The following ZFHX3 variants were observed in gnomAD, a reference collection of about 807,000 sequenced individuals.
The protein encoded by ZFHX3 is zinc finger homeobox 3.
In ZFHX3, 42 loss-of-function variants were observed where a neutral mutation model predicts 279.1. The observed-to-expected ratio is 0.15, with a 90% CI of 0.12 to 0.19. The LOEUF (loss-of-function observed/expected upper bound fraction) is 0.19. ZFHX3 is among the 10% of genes least tolerant of loss of function. The probability of loss-of-function intolerance (pLI) is 1.00; values close to 1 mark genes in which losing one functional copy is unlikely to be tolerated. For missense variants in ZFHX3, 4,981 were observed against 4,754.0 expected (o/e 1.05, Z -1.40); for synonymous variants, 2,293 against 1,957.8 (o/e 1.17, Z -4.52).
chr16:73,460,870 C>G lies in ZFHX3; in HGVS notation c.-1546-4612G>C, dbSNP rs147002891. On this transcript the variant is annotated intron_variant, in intron 2 of 17. Coordinates refer to the ZFHX3 transcript ENST00000641206. ...CCTCTGGCTACGTGATACACCTACT[C>G]TCCCTTCGCCTTCCAACGTGATTGT... Among the ~76,000 whole-genome samples, 60 of 152,312 alleles carry G rather than the reference C, an allele frequency of 3.9e-4. No individual in the cohort carries two copies. In the East Asian group the frequency reaches 0.011, roughly 27 times the overall value.
At chr16:73,116,232 G>GA (rs1966431998) in intron 7 of ZFHX3, among the ~76,000 whole-genome samples, 1 of 152,112 alleles carries the variant, frequency 6.6e-6, no homozygotes, top group African/African-American at 2.4e-5. Flanking sequence ...TCTCCCAGAT[G>GA]AAATCCACGT....
At chr16:73,779,674 T>G (rs1347670601) in intron 1 of ZFHX3, among the ~76,000 whole-genome samples, 2 of 152,180 alleles carry the variant, frequency 1.3e-5, no homozygotes, top group Admixed American at 6.5e-5. Context: ...TGCGTTATGC[T>G]CCCGTTGTAC....
chr16:73,803,207 G>A (rs1361477171), intron 1 of ZFHX3, among the ~76,000 whole-genome samples: 1 of 152,174 alleles, frequency 6.6e-6, no homozygotes, highest in Non-Finnish European at 1.5e-5. Context: ...AACAGGAAAT[G>A]CAAATAGTCA....
intron 7 of ZFHX3, among the ~76,000 whole-genome samples, chr16:72,803,102 C>T (rs1283123208): frequency 1.3e-5 from 2 of 152,096 alleles, no homozygotes; most frequent in African/African-American, 2.4e-5. Context: ...GAGGCTGAGG[C>T]GGGTGGATCA....
Position 73,666,831 on chromosome 16 carries a change from T to C in ZFHX3, c.-1547+13349A>G, listed in dbSNP as rs182660012. 1.6e-4 allele frequency among the ~76,000 whole-genome samples: 25 copies of C among 152,076 alleles called. 1 individual carries two copies. The highest frequency in any genetic ancestry group is 1.5e-3 in the Admixed American group (23 of 15,276). On this transcript the variant is annotated intron_variant, in intron 2 of 17. Transcript: ENST00000641206. The stretch of plus-strand genomic sequence containing the variant: ...TGTTCTCTTTACCTGGTTTTGCTTT[T>C]TCCAGAATGCAATGAAATGGAATCT...
At chr16:73,022,095 A>G (rs542242764) in intron 1 of ZFHX3, among the ~76,000 whole-genome samples, 14 of 152,220 alleles carry the variant, frequency 9.2e-5, no homozygotes, top group African/African-American at 3.4e-4. Context: ...CATCCAAAAT[A>G]CTATAATGCA....
intron 8 of ZFHX3, among the ~76,000 whole-genome samples, chr16:73,076,904 C>G (rs1260561247): frequency 6.6e-6 from 1 of 152,100 alleles, no homozygotes; most frequent in African/African-American, 2.4e-5. Flanking sequence ...CACACACACA[C>G]ACACACGACT....
intron 4 of ZFHX3, among the ~76,000 whole-genome samples, chr16:73,280,710 G>C (rs1336377477): frequency 2.6e-5 from 4 of 151,982 alleles, no homozygotes; most frequent in Non-Finnish European, 5.9e-5. Flanking sequence ...CAGGCATGGT[G>C]GCTCACAAAG....
chr16:73,660,333 C>G (rs1214103451), intron 2 of ZFHX3, among the ~76,000 whole-genome samples: 1 of 152,198 alleles, frequency 6.6e-6, no homozygotes, highest in Non-Finnish European at 1.5e-5. Flanking sequence ...TGTGAACAAA[C>G]CCACACTAAA....
intron 2 of ZFHX3, among the ~76,000 whole-genome samples, chr16:73,522,894 T>G (rs909665385): frequency 6.6e-6 from 1 of 152,098 alleles, no homozygotes; most frequent in African/African-American, 2.4e-5. Context: ...AGGAGAAGAA[T>G]GAGTGAAGCG....
At chr16:73,772,796 C>A (rs2054033197) in intron 1 of ZFHX3, among the ~76,000 whole-genome samples, 1 of 152,196 alleles carries the variant, frequency 6.6e-6, no homozygotes, top group Non-Finnish European at 1.5e-5. Flanking sequence ...TCTAATCTGG[C>A]TGTCACTAAA....
chr16:72,893,078 G>C (rs971840933), intron 3 of ZFHX3, among the ~76,000 whole-genome samples: 2 of 152,210 alleles, frequency 1.3e-5, no homozygotes, highest in African/African-American at 4.8e-5. Context: ...CGAGGAGCTG[G>C]AAACCTGTAA....
chr16:73,300,348 T>C (rs963913183), intron 4 of ZFHX3, among the ~76,000 whole-genome samples: 1 of 151,772 alleles, frequency 6.6e-6, no homozygotes, highest in Non-Finnish European at 1.5e-5. Flanking sequence ...AAGGATGAGG[T>C]TTGATGTGTT....
At chr16:72,871,678 T>C (rs1483689131) in intron 4 of ZFHX3, among the ~76,000 whole-genome samples, 2 of 150,566 alleles carry the variant, frequency 1.3e-5, no homozygotes, top group African/African-American at 2.4e-5. Context: ...GGTTTCACCA[T>C]GTTGGCCAGG....
In ZFHX3 at chr16:73,036,373, T is replaced by C. The variant is rs553291764; in HGVS notation, c.-50+11379A>G. Among the ~76,000 whole-genome samples the C allele has an allele frequency of 2.0e-5, 3 of 152,212 alleles. No homozygotes were observed. The South Asian group carries it at 6.2e-4, about 32-fold the overall frequency. On this transcript the variant is annotated intron_variant, in intron 1 of 9. Transcript: ENST00000268489. Reference sequence around the variant, plus strand: ...GGCACACAATTACAGCCATTTGCATTCCTCCAGCAGCCGGATTAGCACAGG... The same window carrying C: ...GGCACACAATTACAGCCATTTGCATCCCTCCAGCAGCCGGATTAGCACAGG...
At chr16:73,126,018 G>T (rs532412486) in intron 7 of ZFHX3, among the ~76,000 whole-genome samples, 1 of 152,216 alleles carries the variant, frequency 6.6e-6, no homozygotes, top group Non-Finnish European at 1.5e-5. Context: ...CACAGCATTT[G>T]TTTCTTAGGC....
chr16:73,364,370 A>C (rs1388125594), intron 3 of ZFHX3, among the ~76,000 whole-genome samples: 1 of 149,460 alleles, frequency 6.7e-6, no homozygotes, highest in African/African-American at 2.4e-5. Flanking sequence ...ATAATATTGT[A>C]ATATTATAAT....
At chr16:73,586,842 T>C (rs1446207133) in intron 2 of ZFHX3, among the ~76,000 whole-genome samples, 1 of 152,186 alleles carries the variant, frequency 6.6e-6, no homozygotes, top group African/African-American at 2.4e-5. Context: ...TGTCTGAGGT[T>C]AGTGAAATTC....
At chr16:73,541,786 C>CTT (rs546761843) in intron 2 of ZFHX3, among the ~76,000 whole-genome samples, 1,272 of 88,020 alleles carry the variant, frequency 0.014, 86 homozygotes, top group Admixed American at 0.036. Context: ...TGGTGGTTCT[C>CTT]TTTTTTTTTT....
Sources: gnomAD v4.1 joint callset for allele counts (sites outside exome capture counted in the v4.1 genomes callset) on GRCh38, gnomAD v4.1.1 for gene constraint, MANE v1.5 for transcripts, NCBI Gene and HGNC (gene_info 2026-07-23, HGNC 2026-07-21) for gene names.